Variants in CCDC169 observed in about 807,000 individuals in gnomAD.
The protein encoded by CCDC169 is coiled-coil domain-containing protein 169.
Under a neutral mutation model 36.0 loss-of-function variants are expected in CCDC169, and 30 were observed. That is an observed-to-expected ratio of 0.83 (90% confidence interval 0.62 to 1.13). The LOEUF (loss-of-function observed/expected upper bound fraction) is 1.13, where lower values mean the gene tolerates loss of function less well. CCDC169 is among the 50% of genes most tolerant of loss of function. CCDC169 has a pLI of 0.00. For synonymous variants in CCDC169, 85 were observed against 81.5 expected, an observed-to-expected ratio of 1.04 and a Z score of -0.23; for missense variants, 245 against 245.9, an observed-to-expected ratio of 1.00 and a Z score of 0.03.
intron 4 of CCDC169, among the ~76,000 whole-genome samples, chr13:36,272,193 T>A (rs540690131): frequency 4.6e-5 from 7 of 150,636 alleles, no homozygotes; most frequent in African/African-American, 1.5e-4. Context: ...ATCTGAGAAT[T>A]CACCACTGTA....
At chr13:36,246,138 A>G (rs1384603855) in intron 7 of CCDC169, among the ~76,000 whole-genome samples, 5 of 152,208 alleles carry the variant, frequency 3.3e-5, no homozygotes, top group African/African-American at 1.2e-4. Flanking sequence ...AAATTAGGCC[A>G]ATTAATAACC....
intron 4 of CCDC169, among the ~76,000 whole-genome samples, chr13:36,265,280 T>A (rs1875127516): frequency 6.6e-6 from 1 of 152,224 alleles, no homozygotes; most frequent in Non-Finnish European, 1.5e-5. Context: ...TGATCACCAT[T>A]TTCTTGTTGT....
At chr13:36,265,721 C>T (rs2138533206) in intron 4 of CCDC169, among the ~76,000 whole-genome samples, 1 of 152,266 alleles carries the variant, frequency 6.6e-6, no homozygotes, top group Admixed American at 6.5e-5. Context: ...TGGTCTTTTC[C>T]CTACCATGAT....
intron 2 of CCDC169, among the ~76,000 whole-genome samples, chr13:36,290,831 C>A (rs184696799): frequency 6.6e-5 from 10 of 152,110 alleles, no homozygotes; most frequent in Admixed American, 5.9e-4. Flanking sequence ...GGATTTAAGT[C>A]TTTGACTCTA....
intron 7 of CCDC169, among the ~76,000 whole-genome samples, chr13:36,233,270 T>C (rs1172325726): frequency 6.6e-6 from 1 of 152,116 alleles, no homozygotes; most frequent in Non-Finnish European, 1.5e-5. Flanking sequence ...TTTACATAAT[T>C]ATTTTAGAAA....
intron 2 of CCDC169, among the ~76,000 whole-genome samples, chr13:36,294,125 C>T (rs1879213869): frequency 6.6e-6 from 1 of 152,104 alleles, no homozygotes; most frequent in African/African-American, 2.4e-5. Context: ...ATGTTTCTGC[C>T]CTTCACCTTA....
chr13:36,231,029 T>G lies in CCDC169; in HGVS notation c.*164A>C. 2 of 1,401,912 alleles carry G rather than the reference T, an allele frequency of 1.4e-6. No individual in the cohort carries two copies. The highest frequency in any genetic ancestry group is 1.8e-6 in the Non-Finnish European group (2 of 1,081,894). The allele number at this position is 1,401,912 out of a possible 1,614,324, so 86.8% of individuals were successfully genotyped here. On this transcript the variant is annotated 3_prime_UTR_variant, in exon 8 of 8. Coordinates refer to ENST00000239859, the MANE Select transcript of CCDC169 (RefSeq NM_001144981.3). ...TTAGGGTCACTGGAGAAAATTACTT[T>G]TATGCAGACAAAGGAACACACGTCT...
downstream of CCDC169, chr13:36,227,481 C>CAT (rs932045826): frequency 9.6e-6 from 12 of 1,251,582 alleles, no homozygotes. Context: ...TTTTTACACA[C>CAT]ACACACACAT....
intron 2 of CCDC169, 126 bp from the exon 3 acceptor site, chr13:36,283,828 T>A: frequency 1.4e-6 from 1 of 694,748 alleles, no homozygotes; most frequent in African/African-American, 1.8e-5. Context: ...ACAGATCAAC[T>A]AGAAGGAAAT....
At chr13:36,227,858 T>C (rs1870021209), downstream of CCDC169, among the ~76,000 whole-genome samples, 1 of 152,218 alleles carries the variant, frequency 6.6e-6, no homozygotes, top group Non-Finnish European at 1.5e-5. Context: ...CAACTATTGA[T>C]CTATTTTCTG....
chr13:36,252,825 TGAAAACTGAG>T (rs1213678943), intron 6 of CCDC169, among the ~76,000 whole-genome samples: 1 of 152,164 alleles, frequency 6.6e-6, no homozygotes, highest in African/African-American at 2.4e-5. Context: ...TAACACACAT[TGAAAACTGAG>T]TTTACATCCT....
At chr13:36,281,070 A>G (rs1395221817) in intron 4 of CCDC169, 1 of 327,182 alleles carries the variant, frequency 3.1e-6, no homozygotes, top group Non-Finnish European at 5.9e-6. Flanking sequence ...CACCTTTACC[A>G]TTTCTCCTTC....
At chr13:36,279,534 A>G (rs1394562549) in intron 4 of CCDC169, among the ~76,000 whole-genome samples, 1 of 152,206 alleles carries the variant, frequency 6.6e-6, no homozygotes, top group Non-Finnish European at 1.5e-5. Context: ...TTTTATTAGA[A>G]TTACCTGAAG....
rs1249277619 is a variant in CCDC169 at position 36,297,783 on chromosome 13, G to A, written c.-64C>T. ...CACCTTAGAGCACAAGACATTAAGG[G>A]CCACCCAGAAGCCAGTACGGCACGA... On this transcript the variant is annotated 5_prime_UTR_variant, in exon 1 of 8. Coordinates refer to ENST00000239859, the MANE Select transcript of CCDC169 (RefSeq NM_001144981.3). 5 of 1,453,854 alleles carry A rather than the reference G, an allele frequency of 3.4e-6. No individual in the cohort carries two copies. The South Asian group carries it at 3.7e-5, about 11-fold the overall frequency. 90.1% of individuals were successfully genotyped at this position (1,453,854 alleles called of 1,614,324 possible). A position where few individuals can be genotyped will look rare whatever the true frequency, so the allele number is the denominator to read the frequency against.
At chr13:36,261,238 G>A (rs1418674791) in intron 4 of CCDC169, among the ~76,000 whole-genome samples, 1 of 152,228 alleles carries the variant, frequency 6.6e-6, no homozygotes. Context: ...CTGAGATGGC[G>A]ACTTTGCATT....
chr13:36,269,712 C>T (rs886255443), intron 4 of CCDC169, among the ~76,000 whole-genome samples: 2 of 152,092 alleles, frequency 1.3e-5, no homozygotes, highest in Non-Finnish European at 2.9e-5. Context: ...AAGCACTGGA[C>T]AAAATCCAGC....
chr13:36,273,560 T>G (rs913217850), intron 4 of CCDC169, among the ~76,000 whole-genome samples: 1 of 152,226 alleles, frequency 6.6e-6, no homozygotes, highest in Non-Finnish European at 1.5e-5. Flanking sequence ...CACATTTGCA[T>G]TTTTTAAAGC....
chr13:36,297,551 C>T, intron 1 of CCDC169, 86 bp downstream of exon 1: 1 of 1,338,324 alleles, frequency 7.5e-7, no homozygotes, highest in Non-Finnish European at 1.0e-6. Context: ...CTTACAGCAC[C>T]CTCAGCGGCT....
At chr13:36,275,314 T>C (rs539579073) in intron 4 of CCDC169, among the ~76,000 whole-genome samples, 1 of 152,296 alleles carries the variant, frequency 6.6e-6, no homozygotes, top group Non-Finnish European at 1.5e-5. Context: ...CTTTTCAATA[T>C]AGGCAACTGC....
Sources: allele counts gnomAD v4.1 joint callset (sites outside exome capture counted in the v4.1 genomes callset), GRCh38; gene constraint gnomAD v4.1.1; transcripts MANE v1.5; gene names NCBI Gene and HGNC (gene_info 2026-07-23, HGNC 2026-07-21).